GABBR2: variants seen among roughly 807,000 people sequenced by gnomAD.
The protein encoded by GABBR2 is G-protein coupled receptor 51.
A neutral mutation model predicts 105.6 loss-of-function variants in GABBR2; 23 were observed. The ratio of observed to expected loss-of-function variants is 0.22; its 90% CI spans 0.16 to 0.31. The LOEUF (loss-of-function observed/expected upper bound fraction) is 0.31. GABBR2 is among the 10% of genes least tolerant of loss of function. The pLI is 1.00. For synonymous variants in GABBR2, 478 were observed against 499.7 expected (o/e 0.96, Z 0.58); for missense variants, 734 against 1,245.5 (o/e 0.59, Z 6.18).
At chr9:98,322,505 C>T (rs192378553) in intron 13 of GABBR2, among the ~76,000 whole-genome samples, 1 of 152,160 alleles carries the variant, frequency 6.6e-6, no homozygotes, top group East Asian at 1.9e-4. Context: ...TCATCCGCGC[C>T]GTGCTAATTC....
At chr9:98,490,492 G>C (rs1305924074) in intron 4 of GABBR2, among the ~76,000 whole-genome samples, 1 of 152,144 alleles carries the variant, frequency 6.6e-6, no homozygotes, top group African/African-American at 2.4e-5. Flanking sequence ...CTTTCAAATT[G>C]TTGTTTGATT....
At chr9:98,637,737 C>A (rs966875464) in intron 1 of GABBR2, among the ~76,000 whole-genome samples, 1 of 152,152 alleles carries the variant, frequency 6.6e-6, no homozygotes, top group African/African-American at 2.4e-5. Flanking sequence ...AGATTGTCCC[C>A]TAAAGCCTCC....
intron 7 of GABBR2, among the ~76,000 whole-genome samples, chr9:98,421,801 A>G (rs939455316): frequency 6.6e-6 from 1 of 152,276 alleles, no homozygotes; most frequent in African/African-American, 2.4e-5. Context: ...AAGGGAAAGC[A>G]AAACTTATGC....
chr9:98,293,567 C>G (rs1564004968), intron 18 of GABBR2, among the ~76,000 whole-genome samples: 1 of 152,240 alleles, frequency 6.6e-6, no homozygotes, highest in East Asian at 1.9e-4. Flanking sequence ...GTCCTACTTC[C>G]TGCATGTAGC....
chr9:98,485,279 G>A (rs187631878), intron 4 of GABBR2, among the ~76,000 whole-genome samples: 74 of 152,252 alleles, frequency 4.9e-4, no homozygotes, highest in East Asian at 2.5e-3. Context: ...AGGAAACAGC[G>A]GTGGGAATGG....
chr9:98,671,323 A>C (rs764871032), intron 1 of GABBR2, among the ~76,000 whole-genome samples: 5 of 152,220 alleles, frequency 3.3e-5, no homozygotes, highest in Non-Finnish European at 7.3e-5. Context: ...AGCATGCATC[A>C]GTACTCCATT....
At chr9:98,640,125 T>TATAA (rs1829939709) in intron 1 of GABBR2, among the ~76,000 whole-genome samples, 1 of 120,576 alleles carries the variant, frequency 8.3e-6, no homozygotes, top group Non-Finnish European at 1.8e-5. Context: ...TACAACCATA[T>TATAA]ATATATATAT....
intron 13 of GABBR2, among the ~76,000 whole-genome samples, chr9:98,352,367 A>G (rs1831414347): frequency 6.6e-6 from 1 of 152,178 alleles, no homozygotes; most frequent in Non-Finnish European, 1.5e-5. Context: ...CTCTGGTGGC[A>G]GAAGAGGTGG....
At chr9:98,608,853 T>C (rs900364226) in intron 1 of GABBR2, among the ~76,000 whole-genome samples, 2 of 152,252 alleles carry the variant, frequency 1.3e-5, no homozygotes. Context: ...ATAGCATCTT[T>C]CATATGGTAG....
chr9:98,396,180 C>T (rs981513609), intron 8 of GABBR2, among the ~76,000 whole-genome samples: 2 of 152,170 alleles, frequency 1.3e-5, no homozygotes, highest in Admixed American at 6.5e-5. Context: ...ACCTGTGCCT[C>T]GTGAATGTGG....
At position 98,364,720 on chromosome 9, in the gene GABBR2, C is replaced by G. The variant is rs1831646757; in HGVS notation, c.1771-1883G>C. 2.0e-5 allele frequency among the ~76,000 whole-genome samples: 3 copies of G among 151,834 alleles called. No homozygotes were observed. The South Asian group carries it at 6.2e-4, about 32-fold the overall frequency. On this transcript the variant is annotated intron_variant, in intron 12 of 18. Transcript: ENST00000259455. ...GGTTCAAGCAATTCTCCTGCCTCAG[C>G]CTCCTGAGTAGCTGGGATTACAGGC...
At chr9:98,360,467 G>A (rs975432787) in intron 13 of GABBR2, among the ~76,000 whole-genome samples, 6 of 152,182 alleles carry the variant, frequency 3.9e-5, no homozygotes, top group African/African-American at 1.4e-4. Flanking sequence ...GGGAGACACA[G>A]GAACAGCCTA....
At position 98,512,002 on chromosome 9, in the gene GABBR2, T is replaced by C. The variant is rs558857056; in HGVS notation, c.631-15488A>G. On this transcript the variant is annotated intron_variant, in intron 3 of 18. Coordinates refer to ENST00000259455, the MANE Select transcript of GABBR2 (RefSeq NM_005458.8). Reference sequence around the variant, plus strand: ...TCCTTCATGAACATCGATGCAGAAATCCTCAATAAAATACTGGCAAACCAA... The same window carrying C: ...TCCTTCATGAACATCGATGCAGAAACCCTCAATAAAATACTGGCAAACCAA... Among the ~76,000 whole-genome samples the C allele has an allele frequency of 5.3e-5, 8 of 152,162 alleles. No homozygotes were observed. In the East Asian group the frequency reaches 1.5e-3, roughly 29 times the overall value.
intron 2 of GABBR2, among the ~76,000 whole-genome samples, chr9:98,542,269 C>A (rs1159904562): frequency 1.3e-5 from 2 of 152,180 alleles, no homozygotes; most frequent in African/African-American, 4.8e-5. Flanking sequence ...CAATGATCTA[C>A]CCCTCCCTAA....
chr9:98,682,277 T>C (rs1230612720), intron 1 of GABBR2, among the ~76,000 whole-genome samples: 1 of 145,798 alleles, frequency 6.9e-6, no homozygotes, highest in Non-Finnish European at 1.5e-5. Context: ...CAAAAAACCG[T>C]ATATTGAAAA....
intron 13 of GABBR2, among the ~76,000 whole-genome samples, chr9:98,335,326 C>G (rs994724273): frequency 6.6e-6 from 1 of 152,146 alleles, no homozygotes; most frequent in Admixed American, 6.5e-5. Flanking sequence ...CTGGCAGGGA[C>G]CAACTGGACT....
chr9:98,457,614 T>G (rs1826348319), intron 6 of GABBR2, among the ~76,000 whole-genome samples: 1 of 152,188 alleles, frequency 6.6e-6, no homozygotes, highest in Non-Finnish European at 1.5e-5. Flanking sequence ...AACACGGCTC[T>G]TTACCAGATT....
At chr9:98,658,160 A>G (rs1830207019) in intron 1 of GABBR2, among the ~76,000 whole-genome samples, 1 of 152,214 alleles carries the variant, frequency 6.6e-6, no homozygotes, top group Non-Finnish European at 1.5e-5. Flanking sequence ...TAGTCAAGTG[A>G]TTAATAAACA....
At chr9:98,559,145 A>G (rs1828631197) in intron 2 of GABBR2, among the ~76,000 whole-genome samples, 1 of 147,664 alleles carries the variant, frequency 6.8e-6, no homozygotes, top group African/African-American at 2.6e-5. Context: ...TATTTTATTT[A>G]TTGAGACAGG....
Sources: gnomAD v4.1 joint callset for allele counts (sites outside exome capture counted in the v4.1 genomes callset) on GRCh38, gnomAD v4.1.1 for gene constraint, MANE v1.5 for transcripts, NCBI Gene and HGNC (gene_info 2026-07-23, HGNC 2026-07-21) for gene names.